COL26A1: variants seen among roughly 807,000 people sequenced by gnomAD.
COL26A1 encodes collagen alpha-1(XXVI) chain.
A neutral mutation model predicts 59.3 loss-of-function variants in COL26A1; 41 were observed. The observed-to-expected ratio is 0.69, with a 90% CI of 0.54 to 0.90. The LOEUF (loss-of-function observed/expected upper bound fraction) is 0.90, where lower values mean the gene tolerates loss of function less well. Ranked by LOEUF, COL26A1 falls within the 40% of genes least tolerant of loss-of-function variation. The pLI is 0.00. For synonymous variants in COL26A1, 266 were observed against 256.0 expected (o/e 1.04, Z -0.37); for missense variants, 612 against 602.3 (o/e 1.02, Z -0.17).
intron 1 of COL26A1, among the ~76,000 whole-genome samples, chr7:101,365,297 T>C (rs2116991288): frequency 6.6e-6 from 1 of 152,278 alleles, no homozygotes; most frequent in South Asian, 2.1e-4. Context: ...TACATCTAGG[T>C]AGATAAATGC....
chr7:101,419,516 G>A (rs956186139), intron 1 of COL26A1, among the ~76,000 whole-genome samples: 1 of 152,082 alleles, frequency 6.6e-6, no homozygotes, highest in African/African-American at 2.4e-5. Flanking sequence ...CCCTCTCACG[G>A]CCCCCACACA....
intron 2 of COL26A1, among the ~76,000 whole-genome samples, chr7:101,445,299 C>T (rs1050864945): frequency 8.5e-5 from 13 of 152,174 alleles, no homozygotes; most frequent in South Asian, 2.1e-4. Context: ...AAAGAAATAC[C>T]GGAGACTGGG....
At chr7:101,470,423 GC>G (rs1793869273) in intron 3 of COL26A1, among the ~76,000 whole-genome samples, 1 of 151,780 alleles carries the variant, frequency 6.6e-6, no homozygotes, top group East Asian at 1.9e-4. Flanking sequence ...TGGCATAGCT[GC>G]CGGCATTCAC....
At chr7:101,546,304 A>C (rs981332946) in intron 7 of COL26A1, among the ~76,000 whole-genome samples, 1 of 151,998 alleles carries the variant, frequency 6.6e-6, no homozygotes, top group Non-Finnish European at 1.5e-5. Flanking sequence ...GCGCCATCAT[A>C]GCTCCCTGCA....
At chr7:101,403,681 C>T (rs117299096) in intron 1 of COL26A1, among the ~76,000 whole-genome samples, 2,500 of 152,284 alleles carry the variant, frequency 0.016, 29 homozygotes, top group Non-Finnish European at 0.026. Context: ...CCAGCCTAAA[C>T]CATCTTTTCA....
At chr7:101,551,810 T>C (rs1035637138) in intron 10 of COL26A1, among the ~76,000 whole-genome samples, 1 of 151,948 alleles carries the variant, frequency 6.6e-6, no homozygotes, top group African/African-American at 2.4e-5. Context: ...AGGCGCTTCC[T>C]TGATGCCCAA....
At chr7:101,429,305 G>T (rs1412783178) in intron 2 of COL26A1, among the ~76,000 whole-genome samples, 1 of 152,032 alleles carries the variant, frequency 6.6e-6, no homozygotes, top group East Asian at 1.9e-4. Flanking sequence ...TTTTGCATAA[G>T]GTGTGAGGTT....
chr7:101,493,253 C>T (rs1794507140), intron 3 of COL26A1, among the ~76,000 whole-genome samples: 1 of 151,184 alleles, frequency 6.6e-6, no homozygotes, highest in Non-Finnish European at 1.5e-5. Flanking sequence ...CCTCCCCACC[C>T]CGCCCACTCT....
At chr7:101,406,609 C>G (rs894315371) in intron 1 of COL26A1, among the ~76,000 whole-genome samples, 1 of 152,186 alleles carries the variant, frequency 6.6e-6, no homozygotes, top group Non-Finnish European at 1.5e-5. Context: ...CCATCCTGCC[C>G]CAGCAGGTAC....
At chr7:101,375,290 A>G (rs995073274) in intron 1 of COL26A1, among the ~76,000 whole-genome samples, 11 of 152,088 alleles carry the variant, frequency 7.2e-5, no homozygotes, top group African/African-American at 2.4e-4. Flanking sequence ...GCTTAGAACA[A>G]TGTCTAGTAT....
chr7:101,543,008 C>T (rs1795650129), intron 5 of COL26A1, among the ~76,000 whole-genome samples: 1 of 152,130 alleles, frequency 6.6e-6, no homozygotes. Context: ...GGCACACACT[C>T]TACACATGGT....
At chr7:101,380,318 CAG>C (rs1791417738) in intron 1 of COL26A1, among the ~76,000 whole-genome samples, 4 of 118,796 alleles carry the variant, frequency 3.4e-5, no homozygotes, top group African/African-American at 6.3e-5. Flanking sequence ...TTTTTTGAAA[CAG>C]AGTCTCTCTC....
intron 3 of COL26A1, among the ~76,000 whole-genome samples, chr7:101,463,771 T>TTCTTTCTCTCTTTCTCTC (rs1793678717): frequency 1.2e-5 from 1 of 81,700 alleles, no homozygotes; most frequent in Non-Finnish European, 2.2e-5. Flanking sequence ...TTTTCCTTCC[T>TTCTTTCTCTCTTTCTCTC]TCTTTCTTTC....
rs1421144955 is a variant in COL26A1, at chr7:101,549,871, C to A, written c.993+648C>A. Among the ~76,000 whole-genome samples, 4 of 152,288 alleles carry A rather than the reference C, an allele frequency of 2.6e-5. No homozygotes were observed. In the East Asian group the frequency reaches 7.7e-4, roughly 29 times the overall value. ...CCAGGTCACAGAATCTCTGCCTCAG[C>A]CCCTCACCTTGCCCTGAGAATTGCC... On this transcript the variant is annotated intron_variant, in intron 9 of 12. Transcript: ENST00000313669.
chr7:101,440,448 G>A (rs967420595), intron 2 of COL26A1, among the ~76,000 whole-genome samples: 2 of 152,214 alleles, frequency 1.3e-5, no homozygotes, highest in African/African-American at 4.8e-5. Context: ...GGGGACAGGA[G>A]GCCAGCCTCC....
At chr7:101,532,850 C>T (rs560773324) in intron 3 of COL26A1, among the ~76,000 whole-genome samples, 4 of 152,342 alleles carry the variant, frequency 2.6e-5, no homozygotes, top group African/African-American at 9.6e-5. Flanking sequence ...TCTGAATAAA[C>T]AGACAGTATA....
chr7:101,371,482 CTG>C (rs34781151), intron 1 of COL26A1, among the ~76,000 whole-genome samples: 65,867 of 148,852 alleles, frequency 0.44, 14,749 homozygotes, highest in African/African-American at 0.52. Context: ...GACCCTGTCT[CTG>C]TAAAAAAAAA....
chr7:101,501,198 A>G (rs1027773093), intron 3 of COL26A1, among the ~76,000 whole-genome samples: 13 of 131,748 alleles, frequency 9.9e-5, no homozygotes, highest in African/African-American at 3.5e-4. Context: ...AAAAAAAAAA[A>G]AAAGAAAAGA....
At chr7:101,405,187 C>T (rs1025021720) in intron 1 of COL26A1, among the ~76,000 whole-genome samples, 7 of 151,952 alleles carry the variant, frequency 4.6e-5, no homozygotes, top group Non-Finnish European at 1.0e-4. Flanking sequence ...CGCGCCACTG[C>T]ACTCCAGCCT....
Sources: allele counts gnomAD v4.1 joint callset (sites outside exome capture counted in the v4.1 genomes callset), GRCh38; gene constraint gnomAD v4.1.1; transcripts MANE v1.5; gene names NCBI Gene and HGNC (gene_info 2026-07-23, HGNC 2026-07-21).